The following BICD2 variants were observed in gnomAD, a reference collection of about 807,000 sequenced individuals.
BICD2 encodes the protein BICD cargo adaptor 2, also known as protein bicaudal D homolog 2.
A neutral mutation model predicts 72.9 loss-of-function variants in BICD2; 25 were observed. That is an observed-to-expected ratio of 0.34 (90% CI 0.25 to 0.48). The LOEUF (loss-of-function observed/expected upper bound fraction) is 0.48. Ranked by LOEUF, BICD2 falls within the 20% of genes least tolerant of loss-of-function variation. The pLI is 0.99. For missense variants in BICD2, 894 were observed against 1,175.2 expected (o/e 0.76, Z 3.50); for synonymous variants, 501 against 516.1 (o/e 0.97, Z 0.40).
chr9:92,743,904 T>C (rs958692457), intron 1 of BICD2, among the ~76,000 whole-genome samples: 3 of 152,154 alleles, frequency 2.0e-5, no homozygotes, highest in African/African-American at 4.8e-5. Context: ...AAAAGGTCCA[T>C]GGGGAATGCA....
At position 92,714,230 on chromosome 9, in the gene BICD2, T is replaced by G. The variant is rs1197935370; in HGVS notation, c.*924A>C. ...TGGGTGTCCAACCCAGCCAAGCCCT[T>G]GGTGGCTCAGACTTCAGGCTAGGGT... On this transcript the variant is annotated 3_prime_UTR_variant, in exon 7 of 7. Coordinates refer to ENST00000356884, the MANE Select transcript of BICD2 (RefSeq NM_001003800.2). The G allele has an allele frequency of 1.0e-6, 1 of 985,350 alleles. No homozygotes were observed. Among genetic ancestry groups the G allele is most frequent in the African/African-American group, 1.7e-5 (1 of 57,230 alleles). 61.0% of individuals were successfully genotyped at this position (985,350 alleles called of 1,614,324 possible).
chr9:92,730,746 C>A (rs990697741), intron 1 of BICD2, among the ~76,000 whole-genome samples: 6 of 152,186 alleles, frequency 3.9e-5, no homozygotes, highest in African/African-American at 1.4e-4. Context: ...CTGGTGCTGG[C>A]AATGGGACTG....
chr9:92,733,961 C>T (rs1222080714), intron 1 of BICD2, among the ~76,000 whole-genome samples: 9 of 151,184 alleles, frequency 6.0e-5, no homozygotes, highest in Non-Finnish European at 1.2e-4. Context: ...AGCAAGACTC[C>T]GTCTTAAAAA....
At chr9:92,722,552 A>G in intron 3 of BICD2, 104 bp downstream of exon 3, 1 of 1,496,164 alleles carries the variant, frequency 6.7e-7, no homozygotes, top group South Asian at 1.3e-5. Context: ...GGGTGTGTGG[A>G]ATAAGACAGG....
chr9:92,718,866 A>G lies in BICD2; in HGVS notation c.1779T>C (p.Pro593=). The change falls in exon 5 of 7, where the codon CCT becomes CCC. Residue 593 remains proline (P), a synonymous_variant. Transcript: ENST00000356884. ...PILLPKGLLA[P]EAGRADGGTG... is the part of the protein sequence containing the mutation. Reference sequence around the variant, plus strand: ...TCCCACCATCTGCTCGGCCCGCCTCAGGAGCCAGCAGCCCCTTGGGTAGGA... The same window carrying G: ...TCCCACCATCTGCTCGGCCCGCCTCGGGAGCCAGCAGCCCCTTGGGTAGGA... 1 of 1,602,786 alleles carries G rather than the reference A, an allele frequency of 6.2e-7. No homozygotes were observed. Among genetic ancestry groups the G allele is most frequent in the Non-Finnish European group, 8.5e-7 (1 of 1,175,474 alleles).
intron 2 of BICD2, among the ~76,000 whole-genome samples, chr9:92,727,300 C>T (rs1466419592): frequency 1.3e-5 from 2 of 152,194 alleles, no homozygotes; most frequent in African/African-American, 4.8e-5. Flanking sequence ...GCTGACCTCC[C>T]GTAAGATTAT....
Position 92,717,801 on chromosome 9 carries a change from T to A in BICD2, c.2254A>T (p.Thr752Ser). Residue 752 changes from threonine (T) to serine (S), a missense_variant, in exon 6 of 7, where the codon ACC (threonine) becomes TCC (serine). Thr to Ser is a moderately conservative substitution (Grantham distance 58). This residue lies in a region of BICD2 where 321 missense variants were observed against 443.9 expected (regional missense o/e 0.72). Transcript: ENST00000356884. Reference sequence around the variant, plus strand: ...GCCCGACAGCAGCACGGTTACCTGGTGGCAAACATAGCACGCAGCGAGGAG... The same window carrying A: ...GCCCGACAGCAGCACGGTTACCTGGAGGCAAACATAGCACGCAGCGAGGAG... ...TFSSLRAMFA[T>S]RCDEYITQLD... The A allele has an allele frequency of 6.2e-7, 1 of 1,608,648 alleles. No individual in the cohort carries two copies. The highest frequency in any genetic ancestry group is 8.5e-7 in the Non-Finnish European group (1 of 1,178,088).
chr9:92,759,540 A>G (rs1050454539), intron 1 of BICD2, among the ~76,000 whole-genome samples: 1 of 152,184 alleles, frequency 6.6e-6, no homozygotes, highest in Non-Finnish European at 1.5e-5. Flanking sequence ...TCCACCTCCC[A>G]CAGCAGAGCA....
chr9:92,754,480 C>G lies in BICD2; in HGVS notation c.240+10025G>C, dbSNP rs145450775. ...AACAAATTTACATTTTCAAAAGACA[C>G]GTTATAGCAGAACTGTGCTTCACAG... is the stretch of plus-strand genomic sequence containing the variant. On this transcript the variant is annotated intron_variant, in intron 1 of 6. Transcript: ENST00000356884. 6.6e-5 allele frequency among the ~76,000 whole-genome samples: 10 copies of G among 152,268 alleles called. No homozygotes were observed. The East Asian group carries it at 1.5e-3, about 23-fold the overall frequency.
At chr9:92,754,925 T>A (rs912896939) in intron 1 of BICD2, among the ~76,000 whole-genome samples, 24 of 152,174 alleles carry the variant, frequency 1.6e-4, no homozygotes, top group African/African-American at 5.8e-4. Context: ...TGTGGGCACC[T>A]TGAAAAAAAG....
intron 1 of BICD2, among the ~76,000 whole-genome samples, chr9:92,757,037 C>T (rs1854273682): frequency 6.6e-6 from 1 of 152,004 alleles, no homozygotes; most frequent in African/African-American, 2.4e-5. Context: ...ATGGCGCTGT[C>T]TTTAAAATGA....
rs754913360 is a variant in BICD2 at position 92,720,537 on chromosome 9, G to A, written c.825C>T (p.His275=). Residue 275 remains histidine, a synonymous_variant, in exon 4 of 7, where the codon CAC becomes CAT. Coordinates refer to ENST00000356884, the MANE Select transcript of BICD2 (RefSeq NM_001003800.2). The surrounding 1 kb of genome is among the most constrained non-coding windows in gnomAD (Gnocchi z 5.4). ...TGAGGCCATCCAGCGAGACATGCAG[G>A]TGGCTGGTGTAGAAGGAGTCATTGA... ...MSINDSFYTS[H]LHVSLDGLKF... is the part of the protein sequence containing the mutation. The A allele has an allele frequency of 1.2e-6, 2 of 1,614,208 alleles. No individual in the cohort carries two copies. The highest frequency in any genetic ancestry group is 1.1e-5 in the South Asian group (1 of 91,076).
chr9:92,754,440 TATCA>T (rs1854214944), intron 1 of BICD2, among the ~76,000 whole-genome samples: 1 of 152,230 alleles, frequency 6.6e-6, no homozygotes, highest in African/African-American at 2.4e-5. Context: ...TTCCCTCATA[TATCA>T]ATCAGTCTGG....
chr9:92,746,960 G>A (rs1854026049), intron 1 of BICD2, among the ~76,000 whole-genome samples: 1 of 152,242 alleles, frequency 6.6e-6, no homozygotes, highest in Non-Finnish European at 1.5e-5. Flanking sequence ...AGCCAGAGCT[G>A]CTCCGGAAAT....
At chr9:92,737,953 C>A (rs983935115) in intron 1 of BICD2, among the ~76,000 whole-genome samples, 1 of 152,204 alleles carries the variant, frequency 6.6e-6, no homozygotes, top group Non-Finnish European at 1.5e-5. Flanking sequence ...AACCCCTGGA[C>A]AAGAATCTCT....
chr9:92,730,723 C>A (rs1853663825), intron 1 of BICD2, among the ~76,000 whole-genome samples: 1 of 152,136 alleles, frequency 6.6e-6, no homozygotes. Flanking sequence ...GACAACACAG[C>A]CCAGCAGGAA....
rs138405416 is a variant in BICD2 at position 92,751,748 on chromosome 9, T to C, written c.240+12757A>G. Among the ~76,000 whole-genome samples, 904 of 152,034 alleles carry C rather than the reference T, an allele frequency of 5.9e-3. 8 individuals are homozygous for C. Among genetic ancestry groups the C allele is most frequent in the African/African-American group, 0.02 (830 of 41,448 alleles). The stretch of plus-strand genomic sequence containing the variant: ...GTATGAACTCATGGTTAACTAAATA[T>C]ACATACAGGTGTATTTATTGACATA... On this transcript the variant is annotated intron_variant, in intron 1 of 6. Coordinates refer to ENST00000356884, the MANE Select transcript of BICD2 (RefSeq NM_001003800.2).
intron 1 of BICD2, among the ~76,000 whole-genome samples, chr9:92,736,376 T>C (rs1030226458): frequency 6.6e-6 from 1 of 152,306 alleles, no homozygotes; most frequent in East Asian, 1.9e-4. Flanking sequence ...GGCCCTGTGA[T>C]GGCCCCAGTT....
chr9:92,757,327 A>G (rs1854282021), intron 1 of BICD2, among the ~76,000 whole-genome samples: 1 of 150,864 alleles, frequency 6.6e-6, no homozygotes, highest in African/African-American at 2.4e-5. Context: ...AAAAAAAAAA[A>G]AAAAAAAAAA....
Sources: gnomAD v4.1 joint callset for allele counts (sites outside exome capture counted in the v4.1 genomes callset) on GRCh38, gnomAD v4.1.1 for gene constraint, gnomAD v4.1.1 regional missense constraint, Gnocchi (gnomAD v3.1) non-coding constraint, MANE v1.5 for transcripts, NCBI Gene and HGNC (gene_info 2026-07-23, HGNC 2026-07-21) for gene names.